METTL8: variants seen among roughly 807,000 people sequenced by gnomAD.
METTL8 encodes the protein tRNA N(3)-cytidine methyltransferase METTL8, mitochondrial.
A neutral mutation model predicts 48.7 loss-of-function variants in METTL8; 32 were observed. The ratio of observed to expected loss-of-function variants is 0.66; its 90% CI spans 0.50 to 0.88. The LOEUF (loss-of-function observed/expected upper bound fraction) is 0.88, where lower values mean the gene tolerates loss of function less well. METTL8 is among the 40% of genes least tolerant of loss of function. METTL8 has a pLI of 0.00. For missense variants in METTL8, 464 were observed against 474.4 expected, an observed-to-expected ratio of 0.98 and a Z score of 0.20; for synonymous variants, 136 against 157.1, an observed-to-expected ratio of 0.87 and a Z score of 1.01.
intron 2 of METTL8, among the ~76,000 whole-genome samples, chr2:171,365,694 T>C (rs1421834484): frequency 1.3e-5 from 2 of 152,320 alleles, no homozygotes; most frequent in African/African-American, 4.8e-5. Context: ...AACATAATTA[T>C]GACTTAAAAC....
chr2:171,431,197 G>A (rs778004802), intron 1 of METTL8, among the ~76,000 whole-genome samples: 2 of 152,192 alleles, frequency 1.3e-5, no homozygotes, highest in Non-Finnish European at 2.9e-5. Flanking sequence ...ATTTGCACAG[G>A]GGGCTTGCCT....
chr2:171,351,015 G>A (rs1194530268), intron 3 of METTL8, among the ~76,000 whole-genome samples: 1 of 152,174 alleles, frequency 6.6e-6, no homozygotes, highest in Admixed American at 6.5e-5. Context: ...TGCTTTTGGT[G>A]TTTTAGACAT....
intron 2 of METTL8, among the ~76,000 whole-genome samples, chr2:171,365,227 A>G (rs1473396789): frequency 6.6e-6 from 1 of 152,210 alleles, no homozygotes; most frequent in Non-Finnish European, 1.5e-5. Context: ...GCAGTGGAGT[A>G]TAATCAAACA....
intron 1 of METTL8, among the ~76,000 whole-genome samples, chr2:171,412,616 A>G (rs1690865380): frequency 6.6e-6 from 1 of 152,182 alleles, no homozygotes; most frequent in Non-Finnish European, 1.5e-5. Flanking sequence ...ATTTGCACCA[A>G]TGGTGCACAG....
rs190299362 is a variant in METTL8 at position 171,322,177 on chromosome 2, G to C, written c.*1995C>G. 6.6e-6 allele frequency: 1 copy of C among 151,872 alleles called. No individual in the cohort carries two copies. The highest frequency in any genetic ancestry group is 2.1e-4 in the South Asian group (1 of 4,806). 9.4% of individuals were successfully genotyped at this position (151,872 alleles called of 1,614,324 possible). A position where few individuals can be genotyped will look rare whatever the true frequency, so the allele number is the denominator to read the frequency against. Reference sequence around the variant, plus strand: ...GACAGGGTTTCACAGTGTTGGTCAGGCTGGTCTTGAACTCCTGACCTCATG... The same window carrying C: ...GACAGGGTTTCACAGTGTTGGTCAGCCTGGTCTTGAACTCCTGACCTCATG... On this transcript the variant is annotated 3_prime_UTR_variant, in exon 10 of 10. Transcript: ENST00000375258.
At chr2:171,413,132 A>G (rs1186635958) in intron 1 of METTL8, among the ~76,000 whole-genome samples, 1 of 152,216 alleles carries the variant, frequency 6.6e-6, no homozygotes. Context: ...AGACAGACCA[A>G]TGGATTTTAA....
chr2:171,354,574 T>C (rs1684311679), intron 3 of METTL8, among the ~76,000 whole-genome samples: 1 of 152,244 alleles, frequency 6.6e-6, no homozygotes, highest in South Asian at 2.1e-4. Context: ...GGTTCCATTC[T>C]CCCTGTCACT....
rs1684365359 is a variant in METTL8 at position 171,318,429 on chromosome 2, A to G, written c.*5743T>C. 1 of 152,172 alleles carries G rather than the reference A, an allele frequency of 6.6e-6. No individual in the cohort carries two copies. The highest frequency in any genetic ancestry group is 1.9e-4 in the East Asian group (1 of 5,196). 9.4% of individuals were successfully genotyped at this position (152,172 alleles called of 1,614,324 possible). A position where few individuals can be genotyped will look rare whatever the true frequency, so the allele number is the denominator to read the frequency against. On this transcript the variant is annotated 3_prime_UTR_variant, in exon 10 of 10. Transcript: ENST00000375258. ...ACCCTAGAGCTGAATCCTTTTGAAG[A>G]CATTTTAAGGGTTTTTTTTCCCCAC...
Position 171,317,653 on chromosome 2 carries a change from C to A in METTL8, c.*6519G>T, listed in dbSNP as rs1407576294. The A allele has an allele frequency of 6.6e-6, 1 of 152,176 alleles. No homozygotes were observed. The highest frequency in any genetic ancestry group is 6.5e-5 in the Admixed American group (1 of 15,286). The allele number at this position is 152,176 out of a possible 1,614,324, so 9.4% of individuals were successfully genotyped here. A position where few individuals can be genotyped will look rare whatever the true frequency, so the allele number is the denominator to read the frequency against. On this transcript the variant is annotated 3_prime_UTR_variant, in exon 10 of 10. Transcript: ENST00000375258. ...ATTCATTCAGCTAACTCTAGCTGTTCCTTACTTAAGGTTAAGTGGTTGTGA... is the reference window on the plus strand; with the variant it reads ...ATTCATTCAGCTAACTCTAGCTGTTACTTACTTAAGGTTAAGTGGTTGTGA...
intron 1 of METTL8, among the ~76,000 whole-genome samples, chr2:171,413,945 A>C (rs570488271): frequency 2.0e-5 from 3 of 152,240 alleles, no homozygotes; most frequent in Non-Finnish European, 4.4e-5. Flanking sequence ...AGAAAAAATT[A>C]GAAAGAAAAT....
Position 171,360,459 on chromosome 2 carries a change from T to C in METTL8, c.198A>G (p.Lys66=), listed in dbSNP as rs3731986. ...EEEAAARKKV[K]ENSAVRVLLE... ...GAAGGACTCGCACAGCTGAGTTTTC[T>C]TTTACTTTTTTTCTGGCTGCTGCTT... The change falls in exon 3 of 10, where the codon AAA becomes AAG. Residue 66 remains lysine (K), a synonymous_variant. Transcript: ENST00000375258. 528,134 of 1,612,862 alleles carry C rather than the reference T, an allele frequency of 0.33. 89,543 individuals carry two copies. The highest frequency in any genetic ancestry group is 0.46 in the African/African-American group (34,693 of 74,888).
At chr2:171,370,596 C>T (rs1403035487) in intron 2 of METTL8, among the ~76,000 whole-genome samples, 1 of 152,092 alleles carries the variant, frequency 6.6e-6, no homozygotes, top group Non-Finnish European at 1.5e-5. Flanking sequence ...TCGAGACCAT[C>T]CTGGCTAACA....
intron 1 of METTL8, among the ~76,000 whole-genome samples, chr2:171,394,324 T>C (rs905481397): frequency 1.3e-5 from 2 of 151,588 alleles, no homozygotes; most frequent in African/African-American, 4.8e-5. Context: ...GAAAGGCAAA[T>C]CAAAATGGAA....
rs1473255794 is a variant in METTL8 at position 171,339,379 on chromosome 2, A to C, written c.411T>G (p.Ala137=). The C allele has an allele frequency of 6.2e-7, 1 of 1,613,284 alleles. No homozygotes were observed. Among genetic ancestry groups the C allele is most frequent in the Non-Finnish European group, 8.5e-7 (1 of 1,179,582 alleles). The change falls in exon 4 of 10, where the codon GCT becomes GCG. Residue 137 remains alanine, a synonymous_variant. Coordinates refer to ENST00000375258, the MANE Select transcript of METTL8 (RefSeq NM_001321154.2). ...ESSWDHVKTS[A]TNRFSRMHCP... ...AGTGCATTCTTGAGAAACGATTTGT[A>C]GCACTAGTTTTTACATGATCCCATG... is the stretch of plus-strand genomic sequence containing the variant.
chr2:171,372,714 A>G (rs956384394), intron 2 of METTL8, among the ~76,000 whole-genome samples: 7 of 152,032 alleles, frequency 4.6e-5, no homozygotes, highest in Non-Finnish European at 1.5e-5. Flanking sequence ...ATTCCTACCT[A>G]TGAGTGAGAA....
chr2:171,362,290 A>G (rs1358369376), intron 2 of METTL8, among the ~76,000 whole-genome samples: 1 of 152,136 alleles, frequency 6.6e-6, no homozygotes, highest in Admixed American at 6.6e-5. Flanking sequence ...AAAGGGGGAG[A>G]GGGAGACACT....
At chr2:171,413,010 T>G (rs1215334287) in intron 1 of METTL8, among the ~76,000 whole-genome samples, 1 of 152,236 alleles carries the variant, frequency 6.6e-6, no homozygotes, top group East Asian at 1.9e-4. Context: ...AAATGAAATG[T>G]GTCAACATTT....
chr2:171,325,326 C>T (rs2241239), intron 9 of METTL8, among the ~76,000 whole-genome samples: 24,303 of 151,942 alleles, frequency 0.16, 2,521 homozygotes, highest in East Asian at 0.56. Flanking sequence ...GCTAGGACTA[C>T]AGGTATGCAC....
intron 1 of METTL8, among the ~76,000 whole-genome samples, chr2:171,430,238 A>T (rs1692854574): frequency 6.6e-6 from 1 of 151,696 alleles, no homozygotes; most frequent in Non-Finnish European, 1.5e-5. Flanking sequence ...TGCGCCTGTA[A>T]TGCCAGCAAC....
Sources: allele counts gnomAD v4.1 joint callset (sites outside exome capture counted in the v4.1 genomes callset), GRCh38; gene constraint gnomAD v4.1.1; transcripts MANE v1.5; gene names NCBI Gene and HGNC (gene_info 2026-07-23, HGNC 2026-07-21).